The following OR2T33 variants were observed in gnomAD, a reference collection of about 807,000 sequenced individuals.
The protein encoded by OR2T33 is olfactory receptor family 2 subfamily T member 33, also known as olfactory receptor 2T33.
OR2T33 carries 10 observed loss-of-function variants against 14.0 expected under a neutral mutation model. The observed-to-expected ratio is 0.72, with a 90% CI of 0.44 to 1.22. The LOEUF (loss-of-function observed/expected upper bound fraction) is 1.22, where lower values mean the gene tolerates loss of function less well. Ranked by LOEUF, OR2T33 falls within the 50% of genes most tolerant of loss-of-function variation. The pLI is 0.00. For missense variants in OR2T33, 276 were observed against 405.9 expected, an observed-to-expected ratio of 0.68 and a Z score of 2.75; for synonymous variants, 103 against 159.4, an observed-to-expected ratio of 0.65 and a Z score of 2.66.
At chr1:248,275,668 G>A (rs1284376319) in intron 1 of OR2T33, among the ~76,000 whole-genome samples, 1 of 151,584 alleles carries the variant, frequency 6.6e-6, no homozygotes, top group Non-Finnish European at 1.5e-5. Context: ...TGCATGTTTG[G>A]CACATGTATC....
chr1:248,276,272 AT>A (rs1659446005), intron 1 of OR2T33, among the ~76,000 whole-genome samples: 1 of 152,216 alleles, frequency 6.6e-6, no homozygotes, highest in Admixed American at 6.5e-5. Context: ...CCACAGATCA[AT>A]ACTGAACTTT....
rs1453002801 is a variant in OR2T33 at position 248,272,866 on chromosome 1, G to A, written c.949C>T (p.His317Tyr). 1.2e-6 allele frequency: 2 copies of A among 1,612,594 alleles called. No homozygotes were observed. The highest frequency in any genetic ancestry group is 1.7e-6 in the Non-Finnish European group (2 of 1,179,326). Reference sequence around the variant, plus strand: ...TTGACATTAGATCATCTTGACCTGTGGGCCTCATTTTGCTGGTGTTTTATG... The same window carrying A: ...TTGACATTAGATCATCTTGACCTGTAGGCCTCATTTTGCTGGTGTTTTATG... ...VNIKHQQNEAHRSR is the reference protein window; with the variant it reads ...VNIKHQQNEAYRSR The change falls in exon 2 of 2, where the codon CAC becomes TAC. Residue 317 changes from histidine (H) to tyrosine (Y), a missense_variant. His to Tyr is a moderately conservative substitution (Grantham distance 83). Coordinates refer to ENST00000641220, the MANE Select transcript of OR2T33 (RefSeq NM_001004695.2).
chr1:248,271,042 T>A lies in OR2T33; in HGVS notation c.*1810A>T, dbSNP rs547640950. 2.0e-5 allele frequency: 3 copies of A among 152,268 alleles called. No homozygotes were observed. Among genetic ancestry groups the A allele is most frequent in the South Asian group, 4.1e-4 (2 of 4,822 alleles). 9.4% of individuals were successfully genotyped at this position (152,268 alleles called of 1,614,324 possible). ...GCATCTAAGAAGGCACTGAACTTCATTATTCTCTAGGTAATGGCATATTTT... is the reference window on the plus strand; with the variant it reads ...GCATCTAAGAAGGCACTGAACTTCAATATTCTCTAGGTAATGGCATATTTT... On this transcript the variant is annotated 3_prime_UTR_variant, in exon 2 of 2. Coordinates refer to ENST00000641220, the MANE Select transcript of OR2T33 (RefSeq NM_001004695.2).
chr1:248,272,723 A>C lies in OR2T33; in HGVS notation c.*129T>G, dbSNP rs377637980. On this transcript the variant is annotated 3_prime_UTR_variant, in exon 2 of 2. Coordinates refer to ENST00000641220, the MANE Select transcript of OR2T33 (RefSeq NM_001004695.2). The stretch of plus-strand genomic sequence containing the variant: ...ATCTCTCAATACAATTAGCTCACTT[A>C]ATTCTTAAAAATATCCTATTATATC... The C allele has an allele frequency of 3.2e-6, 4 of 1,245,006 alleles. No homozygotes were observed. Among genetic ancestry groups the C allele is most frequent in the East Asian group, 2.4e-5 (1 of 42,222 alleles). The allele number at this position is 1,245,006 out of a possible 1,614,324, so 77.1% of individuals were successfully genotyped here. A position where few individuals can be genotyped will look rare whatever the true frequency, so the allele number is the denominator to read the frequency against.
intron 1 of OR2T33, among the ~76,000 whole-genome samples, chr1:248,277,482 G>C (rs1457531808): frequency 6.6e-6 from 1 of 152,100 alleles, no homozygotes; most frequent in African/African-American, 2.4e-5. Context: ...CAGTAGAAAA[G>C]AATCCTCTAA....
At position 248,273,501 on chromosome 1, in the gene OR2T33, A is replaced by G. The variant is rs373105601; in HGVS notation, c.314T>C (p.Leu105Pro). 46 of 1,612,994 alleles carry G rather than the reference A, an allele frequency of 2.9e-5. No homozygotes were observed. The African/African-American group carries it at 4.5e-4, about 16-fold the overall frequency. ...CGVQIFFLPTLGGGECFLLAA... is the reference protein window; with the variant it reads ...CGVQIFFLPTPGGGECFLLAA... ...TAAGAGGAAGCACTCTCCACCACCC[A>G]GTGTGGGGAGGAAGAAGATCTGCAC... The change falls in exon 2 of 2, where the codon CTG becomes CCG. Residue 105 changes from leucine (L) to proline (P), a missense_variant. Transcript: ENST00000641220.
In OR2T33 at chr1:248,270,203, G is replaced by C. The variant is rs962982120; in HGVS notation, c.*2649C>G. The C allele has an allele frequency of 6.6e-6, 1 of 152,122 alleles. No individual in the cohort carries two copies. Among genetic ancestry groups the C allele is most frequent in the Non-Finnish European group, 1.5e-5 (1 of 68,034 alleles). 9.4% of individuals were successfully genotyped at this position (152,122 alleles called of 1,614,324 possible). On this transcript the variant is annotated 3_prime_UTR_variant, in exon 2 of 2. Transcript: ENST00000641220. ...CAAACACAGCATGTTCTCACTCATA[G>C]GTGGGAATTGAACAATGAGAACACT... is the stretch of plus-strand genomic sequence containing the variant.
intron 1 of OR2T33, among the ~76,000 whole-genome samples, chr1:248,275,491 C>G (rs1403990094): frequency 6.6e-6 from 1 of 152,162 alleles, no homozygotes; most frequent in East Asian, 1.9e-4. Flanking sequence ...GACTCCTTGA[C>G]CACAGGCTTC....
chr1:248,273,856 G>T, intron 1 of OR2T33, 34 bp from the exon 2 acceptor site: 1 of 1,567,678 alleles, frequency 6.4e-7, no homozygotes, highest in Admixed American at 1.8e-5. Context: ...AAATAGAGAA[G>T]GAAGAGGCTT....
intron 1 of OR2T33, 93 bp downstream of exon 1, chr1:248,277,672 A>T (rs1434616963): frequency 6.6e-6 from 1 of 152,160 alleles, no homozygotes; most frequent in Non-Finnish European, 1.5e-5. Flanking sequence ...TTCAAAATTC[A>T]TATGTAGAAT....
rs1302470698 is a variant in OR2T33 at position 248,272,287 on chromosome 1, A to T, written c.*565T>A. 6.6e-6 allele frequency: 1 copy of T among 152,362 alleles called. No individual in the cohort carries two copies. Among genetic ancestry groups the T allele is most frequent in the East Asian group, 1.9e-4 (1 of 5,208 alleles). 9.4% of individuals were successfully genotyped at this position (152,362 alleles called of 1,614,324 possible). Reference sequence around the variant, plus strand: ...GTTTAAACACCAAATAGACTGTTGAAAAAATACAAAAAAATTGTGGCAATA... The same window carrying T: ...GTTTAAACACCAAATAGACTGTTGATAAAATACAAAAAAATTGTGGCAATA... On this transcript the variant is annotated 3_prime_UTR_variant, in exon 2 of 2. Transcript: ENST00000641220.
intron 1 of OR2T33, among the ~76,000 whole-genome samples, chr1:248,274,136 ATAT>A (rs1442622761): frequency 6.6e-6 from 1 of 152,180 alleles, no homozygotes; most frequent in Admixed American, 6.5e-5. Flanking sequence ...ACTCGTATTA[ATAT>A]TATTGTGTTT....
In OR2T33 at chr1:248,273,288, A is replaced by G. The variant is rs776419652; in HGVS notation, c.527T>C (p.Phe176Ser). The stretch of plus-strand genomic sequence containing the variant: ...ACGCACCAGCACGGGGGTCTCGCAG[A>G]AGAAGTGATCGATCTCGTGTGCACC... The part of the protein sequence containing the change: ...YCGAHEIDHF[F>S]CETPVLVRLA... The change falls in exon 2 of 2, where the codon TTC becomes TCC. Residue 176 changes from phenylalanine to serine, a missense_variant. Phe to Ser is a radical substitution (Grantham distance 155). Coordinates refer to ENST00000641220, the MANE Select transcript of OR2T33 (RefSeq NM_001004695.2). 1.6e-5 allele frequency: 25 copies of G among 1,610,764 alleles called. No individual in the cohort carries two copies. In the Admixed American group the frequency reaches 4.2e-4, roughly 27 times the overall value.
At chr1:248,276,174 G>C (rs908357815) in intron 1 of OR2T33, among the ~76,000 whole-genome samples, 1 of 152,070 alleles carries the variant, frequency 6.6e-6, no homozygotes, top group Non-Finnish European at 1.5e-5. Flanking sequence ...AGAACCTAAT[G>C]CTGCTGCTGA....
chr1:248,273,734 C>A lies in OR2T33; in HGVS notation c.81G>T (p.Met27Ile), dbSNP rs963495790. ...AGGTCAAAACGATACTCAGAACCAT[C>A]ATGAAGAGGACTTGGTGGGCTCTGG... ...NHTRAHQVLF[M>I]MVLSIVLTSL... Residue 27 changes from methionine (M) to isoleucine (I), a missense_variant, in exon 2 of 2, where the codon ATG becomes ATT. Transcript: ENST00000641220. 4.3e-6 allele frequency: 7 copies of A among 1,613,742 alleles called. No individual in the cohort carries two copies. The highest frequency in any genetic ancestry group is 1.6e-4 in the Middle Eastern group (1 of 6,072).
chr1:248,276,174 G>A (rs908357815), intron 1 of OR2T33, among the ~76,000 whole-genome samples: 7 of 152,070 alleles, frequency 4.6e-5, no homozygotes, highest in African/African-American at 1.7e-4. Context: ...AGAACCTAAT[G>A]CTGCTGCTGA....
chr1:248,273,936 T>G (rs1423201509), intron 1 of OR2T33, 114 bp from the exon 2 acceptor site: 2 of 1,349,702 alleles, frequency 1.5e-6, no homozygotes, highest in Non-Finnish European at 1.9e-6. Context: ...TCCCAGGTAG[T>G]GATTCAAAGC....
chr1:248,276,605 TACAG>T (rs1343299192), intron 1 of OR2T33, among the ~76,000 whole-genome samples: 1 of 152,162 alleles, frequency 6.6e-6, no homozygotes, highest in African/African-American at 2.4e-5. Context: ...TTCTCTTCTC[TACAG>T]ACAGAGGTAA....
At chr1:248,277,593 C>T (rs1659461877) in intron 1 of OR2T33, among the ~76,000 whole-genome samples, 172 bp downstream of exon 1, 1 of 151,968 alleles carries the variant, frequency 6.6e-6, no homozygotes, top group Non-Finnish European at 1.5e-5. Flanking sequence ...TTCAAAACAC[C>T]CCGTGGATGA....
Sources: gnomAD v4.1 joint callset for allele counts (sites outside exome capture counted in the v4.1 genomes callset) on GRCh38, gnomAD v4.1.1 for gene constraint, MANE v1.5 for transcripts, NCBI Gene and HGNC (gene_info 2026-07-23, HGNC 2026-07-21) for gene names.